Variants in PID1 observed in about 807,000 individuals in gnomAD.
PID1 encodes the protein PTB-containing, cubilin and LRP1-interacting protein.
Under a neutral mutation model 19.1 loss-of-function variants are expected in PID1, and 10 were observed. That is an observed-to-expected ratio of 0.52 (90% CI 0.32 to 0.89). PID1 has a LOEUF of 0.89. Among genes scored for constraint, PID1 ranks in the 40% least tolerant of loss-of-function variants. The pLI, the probability that PID1 is intolerant of heterozygous loss-of-function variation, is 0.03. For synonymous variants in PID1, 130 were observed against 116.0 expected (o/e 1.12, Z -0.78); for missense variants, 248 against 285.3 (o/e 0.87, Z 0.94).
chr2:229,228,940 C>A (rs2191864), intron 1 of PID1, among the ~76,000 whole-genome samples: 62,594 of 152,030 alleles, frequency 0.41, 14,448 homozygotes, highest in East Asian at 0.76. Flanking sequence ...GGTTCTCTAC[C>A]TGACCTGGTG....
chr2:229,210,625 T>C (rs1472893617), intron 1 of PID1, among the ~76,000 whole-genome samples: 1 of 141,076 alleles, frequency 7.1e-6, no homozygotes, highest in Non-Finnish European at 1.5e-5. Context: ...CAAGTAAAGA[T>C]AAAATTCAAA....
At chr2:229,164,653 A>G (rs560536058) in intron 1 of PID1, among the ~76,000 whole-genome samples, 155 of 152,346 alleles carry the variant, frequency 1.0e-3, no homozygotes, top group Non-Finnish European at 1.7e-3. Flanking sequence ...AGAAGTTAAG[A>G]AACAACAGTT....
chr2:229,058,267 C>G (rs1694143841), intron 2 of PID1, among the ~76,000 whole-genome samples: 1 of 152,170 alleles, frequency 6.6e-6, no homozygotes, highest in Non-Finnish European at 1.5e-5. Flanking sequence ...TCAGTATGTT[C>G]TGTTTCTTTA....
chr2:229,036,937 AG>A (rs1375495905), intron 2 of PID1, among the ~76,000 whole-genome samples: 1 of 152,154 alleles, frequency 6.6e-6, no homozygotes, highest in Admixed American at 6.5e-5. Flanking sequence ...TGCCTAAACA[AG>A]GCCTTCCTCT....
chr2:229,173,462 A>C (rs1441602200), intron 1 of PID1, among the ~76,000 whole-genome samples: 1 of 152,178 alleles, frequency 6.6e-6, no homozygotes, highest in Non-Finnish European at 1.5e-5. Context: ...ATTGAAACAC[A>C]ATAAAGAACC....
chr2:229,054,703 A>AGTGTGTGTGTGT (rs149214177), intron 2 of PID1, among the ~76,000 whole-genome samples: 5 of 44,144 alleles, frequency 1.1e-4, no homozygotes, highest in Admixed American at 1.0e-3. Flanking sequence ...ACAGTAATGC[A>AGTGTGTGTGTGT]GTGTGTGTGT....
intron 1 of PID1, among the ~76,000 whole-genome samples, chr2:229,168,233 C>T (rs1016441432): frequency 1.3e-5 from 2 of 152,068 alleles, no homozygotes; most frequent in Non-Finnish European, 2.9e-5. Context: ...AATTTTCAGC[C>T]TTTATGTCTT....
intron 1 of PID1, among the ~76,000 whole-genome samples, chr2:229,213,706 T>C (rs186740278): frequency 1.5e-4 from 23 of 152,330 alleles, no homozygotes; most frequent in Non-Finnish European, 2.6e-4. Flanking sequence ...CTTCCTTCTA[T>C]TCTCAGTCTT....
At chr2:229,054,262 A>G (rs1416553692) in intron 2 of PID1, among the ~76,000 whole-genome samples, 2 of 152,220 alleles carry the variant, frequency 1.3e-5, no homozygotes, top group East Asian at 1.9e-4. Context: ...TTTTCAACAA[A>G]GGAGAGATCT....
At chr2:229,147,324 TTTAA>T (rs1182641595) in intron 2 of PID1, among the ~76,000 whole-genome samples, 2 of 152,132 alleles carry the variant, frequency 1.3e-5, no homozygotes, top group East Asian at 3.9e-4. Context: ...AAATTTTTTC[TTTAA>T]TTATTACTTT....
At chr2:229,065,299 G>A (rs1459706418) in intron 2 of PID1, among the ~76,000 whole-genome samples, 2 of 152,038 alleles carry the variant, frequency 1.3e-5, no homozygotes, top group Non-Finnish European at 2.9e-5. Context: ...AGGTGGGGCA[G>A]GAAAAAAATT....
At chr2:229,208,997 G>C (rs1435213507) in intron 1 of PID1, among the ~76,000 whole-genome samples, 1 of 152,160 alleles carries the variant, frequency 6.6e-6, no homozygotes, top group East Asian at 1.9e-4. Flanking sequence ...GCAAACAAAA[G>C]AAGTGCATGC....
At chr2:229,267,877 T>C (rs1690633117) in intron 1 of PID1, among the ~76,000 whole-genome samples, 1 of 152,132 alleles carries the variant, frequency 6.6e-6, no homozygotes, top group Non-Finnish European at 1.5e-5. Context: ...GAAAGGAGTC[T>C]GTTTCAAATC....
rs893550604 is a variant in PID1, at chr2:229,097,927, T to A, written c.177+57891A>T. Among the ~76,000 whole-genome samples, 4 of 152,196 alleles carry A rather than the reference T, an allele frequency of 2.6e-5. No individual in the cohort carries two copies. The East Asian group carries it at 7.7e-4, about 29-fold the overall frequency. On this transcript the variant is annotated intron_variant, in intron 2 of 2. Coordinates refer to ENST00000392055, the MANE Select transcript of PID1 (RefSeq NM_001100818.2). ...TAGAGCATAAGGTTTATCTGAATTG[T>A]TCTGAAACCAGAGCTAGGAATTCTG...
At chr2:229,183,582 G>A (rs915163548) in intron 1 of PID1, among the ~76,000 whole-genome samples, 1 of 152,140 alleles carries the variant, frequency 6.6e-6, no homozygotes, top group African/African-American at 2.4e-5. Context: ...CATCAAGTAA[G>A]AGGAAATTCC....
chr2:229,044,073 A>G (rs1442621461), intron 2 of PID1, among the ~76,000 whole-genome samples: 1 of 152,238 alleles, frequency 6.6e-6, no homozygotes, highest in Non-Finnish European at 1.5e-5. Context: ...CTTTTTAAAG[A>G]GAACTTTATT....
At chr2:229,242,055 A>G (rs1316646309) in intron 1 of PID1, among the ~76,000 whole-genome samples, 2 of 151,090 alleles carry the variant, frequency 1.3e-5, no homozygotes, top group Non-Finnish European at 2.9e-5. Context: ...TTGAGATGGG[A>G]TCTCACTACA....
intron 2 of PID1, among the ~76,000 whole-genome samples, chr2:229,151,867 G>A (rs180735358): frequency 6.6e-6 from 1 of 152,272 alleles, no homozygotes; most frequent in Non-Finnish European, 1.5e-5. Context: ...ACCGCGCCCA[G>A]CTATTTTTTT....
At chr2:229,265,173 A>G (rs1311452092) in intron 1 of PID1, among the ~76,000 whole-genome samples, 1 of 152,146 alleles carries the variant, frequency 6.6e-6, no homozygotes, top group East Asian at 1.9e-4. Context: ...TTTCTTATTC[A>G]GGAAACAACC....
Sources: gnomAD v4.1 joint callset for allele counts (sites outside exome capture counted in the v4.1 genomes callset) on GRCh38, gnomAD v4.1.1 for gene constraint, MANE v1.5 for transcripts, NCBI Gene and HGNC (gene_info 2026-07-23, HGNC 2026-07-21) for gene names.